TAFA5: variants seen among roughly 807,000 people sequenced by gnomAD.
TAFA5 encodes the protein chemokine-like protein TAFA-5.
TAFA5 carries 6 observed loss-of-function variants against 15.3 expected under a neutral mutation model. The observed-to-expected ratio is 0.39, with a 90% CI of 0.21 to 0.77. TAFA5 has a LOEUF of 0.77. Among genes scored for constraint, TAFA5 ranks in the 30% least tolerant of loss-of-function variants. The pLI is 0.41. For synonymous variants in TAFA5, 103 were observed against 80.7 expected (o/e 1.28, Z -1.48); for missense variants, 161 against 193.1 (o/e 0.83, Z 0.98).
intron 1 of TAFA5, 63 bp from the exon 2 acceptor site, chr22:48,646,534 G>T: frequency 2.5e-6 from 4 of 1,573,950 alleles, no homozygotes; most frequent in Non-Finnish European, 3.5e-6. Flanking sequence ...GGCTCTGGGT[G>T]GGCTCTGGCT....
intron 1 of TAFA5, among the ~76,000 whole-genome samples, chr22:48,568,382 A>G (rs1342477748): frequency 6.6e-6 from 1 of 152,248 alleles, no homozygotes; most frequent in Non-Finnish European, 1.5e-5. Flanking sequence ...AGCACTGAGG[A>G]GAGGTCAGAG....
chr22:48,579,682 C>T (rs1923960675), intron 1 of TAFA5, among the ~76,000 whole-genome samples: 1 of 152,224 alleles, frequency 6.6e-6, no homozygotes, highest in Non-Finnish European at 1.5e-5. Flanking sequence ...TTCTGGAAGT[C>T]TTGAGTCACT....
rs367915342 is a variant in TAFA5, at chr22:48,518,377, G to T, written c.112+28673G>T. 3.9e-5 allele frequency among the ~76,000 whole-genome samples: 6 copies of T among 152,314 alleles called. No homozygotes were observed. The East Asian group carries it at 7.7e-4, about 20-fold the overall frequency. On this transcript the variant is annotated intron_variant, in intron 1 of 3. Coordinates refer to ENST00000402357, the MANE Select transcript of TAFA5 (RefSeq NM_001082967.3). Reference sequence around the variant, plus strand: ...AGAAGTCCTTCCAGGCCTGGACAAAGAGGTGCCCGTCCTCCCCAAACCAAG... The same window carrying T: ...AGAAGTCCTTCCAGGCCTGGACAAATAGGTGCCCGTCCTCCCCAAACCAAG...
chr22:48,523,965 C>T (rs1921693139), intron 1 of TAFA5, among the ~76,000 whole-genome samples: 3 of 152,240 alleles, frequency 2.0e-5, no homozygotes. Flanking sequence ...GAGGTGCCCA[C>T]AGCTACCACC....
chr22:48,517,771 G>A (rs1921463578), intron 1 of TAFA5, among the ~76,000 whole-genome samples: 1 of 152,158 alleles, frequency 6.6e-6, no homozygotes, highest in East Asian at 1.9e-4. Context: ...GCTTCCCGGG[G>A]CCACCTCTGC....
intron 1 of TAFA5, chr22:48,546,482 CG>C (rs5845854): frequency 0.093 from 44,013 of 470,948 alleles, 2,367 homozygotes; most frequent in Admixed American, 0.15. Flanking sequence ...CTTTCTCAAA[CG>C]GGGTGTGTGG....
At chr22:48,693,291 A>G in intron 2 of TAFA5, 1 of 1,600,482 alleles carries the variant, frequency 6.2e-7, no homozygotes, top group Non-Finnish European at 8.5e-7. Context: ...TTCTGCTCCC[A>G]GAAATTTGCC....
intron 1 of TAFA5, among the ~76,000 whole-genome samples, chr22:48,645,990 G>C (rs558470654): frequency 7.8e-4 from 119 of 152,308 alleles, no homozygotes; most frequent in African/African-American, 2.8e-3. Context: ...CGCTGTGGGA[G>C]GGCGGAGGAA....
chr22:48,667,370 A>G (rs1884343), intron 2 of TAFA5, among the ~76,000 whole-genome samples: 127,365 of 152,252 alleles, frequency 0.84, 53,995 homozygotes, highest in East Asian at 1. Context: ...GAGGCAGACC[A>G]GGAGGAAGGG....
At chr22:48,703,265 G>A (rs1449587136) in intron 2 of TAFA5, among the ~76,000 whole-genome samples, 1 of 152,142 alleles carries the variant, frequency 6.6e-6, no homozygotes, top group Non-Finnish European at 1.5e-5. Context: ...GGCCAGGCAT[G>A]GCAGCTACAG....
chr22:48,548,601 C>T (rs543317212), intron 1 of TAFA5, among the ~76,000 whole-genome samples: 2 of 152,232 alleles, frequency 1.3e-5, no homozygotes, highest in South Asian at 2.1e-4. Flanking sequence ...TTGCTGCTCT[C>T]GGCAGGCTGG....
intron 1 of TAFA5, among the ~76,000 whole-genome samples, chr22:48,585,090 A>C (rs1305587364): frequency 6.8e-6 from 1 of 148,090 alleles, no homozygotes; most frequent in Non-Finnish European, 1.5e-5. Context: ...CTACACACAC[A>C]GCACACACCA....
intron 1 of TAFA5, among the ~76,000 whole-genome samples, chr22:48,645,204 G>A (rs117293902): frequency 0.015 from 2,299 of 152,304 alleles, 26 homozygotes; most frequent in Non-Finnish European, 0.023. Flanking sequence ...GGGCAGATTT[G>A]GGCAGCACTG....
intron 3 of TAFA5, among the ~76,000 whole-genome samples, chr22:48,727,781 T>A (rs975083826): frequency 5.3e-5 from 8 of 152,178 alleles, no homozygotes; most frequent in Middle Eastern, 6.8e-3. Context: ...GAAAGGAAAT[T>A]GAGAGGTAAA....
chr22:48,534,380 G>A (rs575312002), intron 1 of TAFA5, among the ~76,000 whole-genome samples: 80 of 152,234 alleles, frequency 5.3e-4, no homozygotes, highest in Non-Finnish European at 9.6e-4. Context: ...AGATGGGGCC[G>A]GGCGTTCCTC....
chr22:48,738,822 G>T (rs192703166), intron 3 of TAFA5, among the ~76,000 whole-genome samples: 2 of 152,326 alleles, frequency 1.3e-5, no homozygotes, highest in African/African-American at 4.8e-5. Context: ...GAGTTAATCG[G>T]CCGTCGCAGG....
At position 48,675,418 on chromosome 22, in the gene TAFA5, A is replaced by T. The variant is rs187629711; in HGVS notation, c.262+28672A>T. 2.2e-3 allele frequency among the ~76,000 whole-genome samples: 334 copies of T among 152,326 alleles called. 1 individual carries two copies. Among genetic ancestry groups the T allele is most frequent in the Middle Eastern group, 0.01 (3 of 292 alleles). ...GCAGCCTTCAGGGATCAGCCTGGAA[A>T]GGGCATCTCTGCTGCCCTCAGCAAA... On this transcript the variant is annotated intron_variant, in intron 2 of 3. Transcript: ENST00000402357.
intron 2 of TAFA5, among the ~76,000 whole-genome samples, chr22:48,682,850 T>G (rs1314070359): frequency 6.6e-6 from 1 of 152,148 alleles, no homozygotes; most frequent in Non-Finnish European, 1.5e-5. Context: ...CTAGTTATAC[T>G]TGATGATTTC....
chr22:48,669,579 C>T (rs890122373), intron 2 of TAFA5, among the ~76,000 whole-genome samples: 1 of 152,252 alleles, frequency 6.6e-6, no homozygotes, highest in Non-Finnish European at 1.5e-5. Context: ...AAATTGGATG[C>T]AGCAGGGTCC....
Sources: allele counts gnomAD v4.1 joint callset (sites outside exome capture counted in the v4.1 genomes callset), GRCh38; gene constraint gnomAD v4.1.1; transcripts MANE v1.5; gene names NCBI Gene and HGNC (gene_info 2026-07-23, HGNC 2026-07-21).